Variants in FILIP1L observed in about 807,000 individuals in gnomAD.
The protein encoded by FILIP1L is filamin A-interacting protein 1-like.
Under a neutral mutation model 96.6 loss-of-function variants are expected in FILIP1L, and 55 were observed. The ratio of observed to expected loss-of-function variants is 0.57; its 90% CI spans 0.46 to 0.71. The LOEUF is 0.71. FILIP1L is among the 30% of genes least tolerant of loss of function. The pLI, the probability that FILIP1L is intolerant of heterozygous loss-of-function variation, is 0.00. For missense variants in FILIP1L, 1,304 were observed against 1,321.2 expected (o/e 0.99, Z 0.20); for synonymous variants, 467 against 473.9 (o/e 0.99, Z 0.19).
At position 100,036,312 on chromosome 3, in the gene FILIP1L, G is replaced by GA. The variant is rs199552074; in HGVS notation, c.-11+77740dup. Among the ~76,000 whole-genome samples the GA allele has an allele frequency of 5.0e-3, 753 of 151,890 alleles. 9 individuals carry two copies. Among genetic ancestry groups the GA allele is most frequent in the Admixed American group, 4.7e-3 (72 of 15,256 alleles). ...GTAGCTGACTGCAGGGCTGTTGGAG[G>GA]AAAAAAAAGATGAGCCTGGAACATC... is the stretch of plus-strand genomic sequence containing the variant. On this transcript the variant is annotated intron_variant, in intron 1 of 5. Coordinates refer to ENST00000477258, the MANE Select transcript of FILIP1L (RefSeq NM_001387850.1).
At chr3:100,104,583 C>T (rs937148969) in intron 1 of FILIP1L, among the ~76,000 whole-genome samples, 2 of 152,120 alleles carry the variant, frequency 1.3e-5, no homozygotes, top group Non-Finnish European at 1.5e-5. Context: ...AGAGAAGAAC[C>T]GAGTACAGAT....
intron 4 of FILIP1L, among the ~76,000 whole-genome samples, chr3:99,896,073 CCTT>C (rs1252081509): frequency 6.6e-6 from 1 of 152,070 alleles, no homozygotes; most frequent in African/African-American, 2.4e-5. Context: ...GATTACACAT[CCTT>C]CTTCACATAT....
In FILIP1L at chr3:99,829,584, T is replaced by A. The variant is rs984268211; in HGVS notation, c.*830A>T. The stretch of plus-strand genomic sequence containing the variant: ...GATGAATGCAAAGCTCGTTGTCACA[T>A]GAATGAAAATCTAGGATTGGAATTT... On this transcript the variant is annotated 3_prime_UTR_variant, in exon 6 of 6. Transcript: ENST00000477258. 6.6e-6 allele frequency among the ~76,000 whole-genome samples: 1 copy of A among 152,238 alleles called. No homozygotes were observed. The highest frequency in any genetic ancestry group is 2.4e-5 in the African/African-American group (1 of 41,450).
intron 1 of FILIP1L, among the ~76,000 whole-genome samples, chr3:100,033,143 G>A (rs1365396257): frequency 6.6e-6 from 1 of 151,856 alleles, no homozygotes; most frequent in Admixed American, 6.6e-5. Flanking sequence ...ATTTTACTCT[G>A]TGGTTACTGT....
intron 1 of FILIP1L, among the ~76,000 whole-genome samples, chr3:99,950,943 T>C (rs1029136573): frequency 6.6e-5 from 10 of 152,150 alleles, no homozygotes; most frequent in African/African-American, 2.2e-4. Flanking sequence ...CCAGGGATTA[T>C]TGGGTTTGAC....
chr3:99,979,494 T>G (rs901699612), intron 1 of FILIP1L, among the ~76,000 whole-genome samples: 1 of 152,208 alleles, frequency 6.6e-6, no homozygotes, highest in African/African-American at 2.4e-5. Flanking sequence ...GGAGTCAGGT[T>G]GTTCATAGGT....
chr3:99,958,704 A>G (rs1708409499), intron 1 of FILIP1L, among the ~76,000 whole-genome samples: 2 of 152,202 alleles, frequency 1.3e-5, no homozygotes, highest in South Asian at 2.1e-4. Context: ...GCATAGAGGC[A>G]TGAGCCAGCA....
intron 4 of FILIP1L, chr3:99,898,052 T>G (rs748277412): frequency 6.6e-6 from 1 of 152,160 alleles, no homozygotes; most frequent in Non-Finnish European, 1.5e-5. Context: ...CAGTTAGTCG[T>G]CAGAATGTAT....
intron 4 of FILIP1L, among the ~76,000 whole-genome samples, chr3:99,885,514 T>A (rs546015362): frequency 6.6e-6 from 1 of 152,338 alleles, no homozygotes; most frequent in African/African-American, 2.4e-5. Flanking sequence ...AACTCAAGGA[T>A]TTAAAATTTA....
rs773116489 is a variant in FILIP1L at position 99,930,033 on chromosome 3, T to A, written c.253-4A>T. On this transcript the variant is annotated splice_polypyrimidine_tract_variant and splice_region_variant and intron_variant, in intron 2 of 5. Coordinates refer to ENST00000477258, the MANE Select transcript of FILIP1L (RefSeq NM_001387850.1). The stretch of plus-strand genomic sequence containing the variant: ...TGCCTATGACCTCATCTCGAGCCTG[T>A]AGGAACAAAAAGTATTTCAGAAAGC... The A allele has an allele frequency of 1.9e-6, 3 of 1,594,336 alleles. No homozygotes were observed. The South Asian group carries it at 3.4e-5, about 18-fold the overall frequency.
intron 4 of FILIP1L, among the ~76,000 whole-genome samples, chr3:99,913,010 A>G (rs1706839491): frequency 6.6e-6 from 1 of 152,148 alleles, no homozygotes; most frequent in Non-Finnish European, 1.5e-5. Context: ...TTGAGGTTAG[A>G]GGGGCATTCA....
intron 1 of FILIP1L, among the ~76,000 whole-genome samples, chr3:99,954,907 C>T (rs1334166527): frequency 6.6e-6 from 1 of 152,034 alleles, no homozygotes; most frequent in Non-Finnish European, 1.5e-5. Flanking sequence ...TGCTAAGCAC[C>T]ACGTCTGGCA....
rs201606586 is a variant in FILIP1L, at chr3:99,850,755, G to T, written c.921C>A (p.Asp307Glu). ...TQTTKFHQDQ[D>E]TIMAKLTNED... ...CATTGGTGAGCTTCGCCATAATTGT[G>T]TCTTGGTCTTGGTGAAACTTTGTGG... Residue 307 changes from aspartate (D) to glutamate (E), a missense_variant, in exon 5 of 6, where the codon GAC becomes GAA. Physicochemically the swap from Asp to Glu is conservative, Grantham distance 45 (BLOSUM62 2). Transcript: ENST00000477258. The T allele has an allele frequency of 1.2e-4, 187 of 1,614,052 alleles. 1 individual carries two copies. In the Middle Eastern group the frequency reaches 4.1e-3, roughly 35 times the overall value.
At chr3:100,083,646 T>G (rs2065964202) in intron 1 of FILIP1L, among the ~76,000 whole-genome samples, 1 of 152,232 alleles carries the variant, frequency 6.6e-6, no homozygotes, top group Non-Finnish European at 1.5e-5. Flanking sequence ...AGGCCTACAT[T>G]TAGTGTCATA....
At chr3:100,069,000 A>G (rs1012492810) in intron 1 of FILIP1L, among the ~76,000 whole-genome samples, 1 of 152,212 alleles carries the variant, frequency 6.6e-6, no homozygotes, top group Non-Finnish European at 1.5e-5. Context: ...GTTCTGCTCC[A>G]CAAACCCAGA....
At chr3:99,946,195 G>T (rs758503445) in intron 1 of FILIP1L, among the ~76,000 whole-genome samples, 1 of 152,172 alleles carries the variant, frequency 6.6e-6, no homozygotes, top group Non-Finnish European at 1.5e-5. Flanking sequence ...AAAAAATTGG[G>T]TATGTCTATT....
intron 1 of FILIP1L, among the ~76,000 whole-genome samples, chr3:100,038,290 G>C (rs996504318): frequency 2.6e-5 from 4 of 151,948 alleles, no homozygotes; most frequent in Admixed American, 6.6e-5. Flanking sequence ...AACTCTTACA[G>C]AAATAATAAG....
At chr3:99,846,818 A>G (rs1943385581) in intron 5 of FILIP1L, among the ~76,000 whole-genome samples, 1 of 152,236 alleles carries the variant, frequency 6.6e-6, no homozygotes, top group Non-Finnish European at 1.5e-5. Flanking sequence ...AATTGTATTT[A>G]AAATCAATAA....
At chr3:99,951,562 G>A (rs981433156) in intron 1 of FILIP1L, among the ~76,000 whole-genome samples, 1 of 152,136 alleles carries the variant, frequency 6.6e-6, no homozygotes, top group South Asian at 2.1e-4. Flanking sequence ...CTGTGAGATA[G>A]TAGACTAAGA....
Sources: gnomAD v4.1 joint callset for allele counts (sites outside exome capture counted in the v4.1 genomes callset) on GRCh38, gnomAD v4.1.1 for gene constraint, MANE v1.5 for transcripts, NCBI Gene and HGNC (gene_info 2026-07-23, HGNC 2026-07-21) for gene names.